HS6ST3: variants seen among roughly 807,000 people sequenced by gnomAD.
The protein encoded by HS6ST3 is heparan sulfate 6-O-sulfotransferase 3, also known as heparan-sulfate 6-O-sulfotransferase 3.
HS6ST3 carries 12 observed loss-of-function variants against 36.7 expected under a neutral mutation model. The ratio of observed to expected loss-of-function variants is 0.33; its 90% CI spans 0.21 to 0.53. The LOEUF is 0.53. Ranked by LOEUF, HS6ST3 falls within the 20% of genes least tolerant of loss-of-function variation. HS6ST3 has a pLI of 0.95. For missense variants in HS6ST3, 584 were observed against 640.9 expected (o/e 0.91, Z 0.96); for synonymous variants, 240 against 257.5 (o/e 0.93, Z 0.65).
At chr13:96,210,119 T>G (rs2054391765) in intron 1 of HS6ST3, among the ~76,000 whole-genome samples, 1 of 152,206 alleles carries the variant, frequency 6.6e-6, no homozygotes, top group East Asian at 1.9e-4. Flanking sequence ...TCCCCCTATG[T>G]GTACTTTTTT....
intron 1 of HS6ST3, among the ~76,000 whole-genome samples, chr13:96,397,056 T>G (rs1259363536): frequency 6.6e-6 from 1 of 151,978 alleles, no homozygotes; most frequent in Non-Finnish European, 1.5e-5. Context: ...ATACAAAAAT[T>G]AGCTGGGCGT....
At chr13:96,502,199 T>G (rs910277505) in intron 1 of HS6ST3, among the ~76,000 whole-genome samples, 1 of 152,190 alleles carries the variant, frequency 6.6e-6, no homozygotes, top group Admixed American at 6.6e-5. Context: ...TTGGGTGATA[T>G]CTGAAATGCC....
At position 96,782,231 on chromosome 13, in the gene HS6ST3, A is replaced by C. The variant is rs1381224119; in HGVS notation, c.708-50259A>C. 5.3e-5 allele frequency among the ~76,000 whole-genome samples: 8 copies of C among 152,358 alleles called. No individual in the cohort carries two copies. The East Asian group carries it at 1.5e-3, about 29-fold the overall frequency. ...TTTATATACGTTAATCTTAAAGCAAAGAAGGCTGCTGAATTATTTAAGAAA... is the reference window on the plus strand; with the variant it reads ...TTTATATACGTTAATCTTAAAGCAACGAAGGCTGCTGAATTATTTAAGAAA... On this transcript the variant is annotated intron_variant, in intron 1 of 1. Coordinates refer to ENST00000376705, the MANE Select transcript of HS6ST3 (RefSeq NM_153456.4).
chr13:96,394,296 A>T (rs1566348027), intron 1 of HS6ST3, among the ~76,000 whole-genome samples: 14 of 147,278 alleles, frequency 9.5e-5, no homozygotes, highest in South Asian at 2.1e-4. Flanking sequence ...AGCTTCCCCC[A>T]TTTTTGTATC....
At chr13:96,631,963 C>T (rs1239036395) in intron 1 of HS6ST3, among the ~76,000 whole-genome samples, 2 of 152,252 alleles carry the variant, frequency 1.3e-5, no homozygotes, top group Admixed American at 6.5e-5. Flanking sequence ...TGGGCTCTTC[C>T]GTTGATTGGA....
At chr13:96,567,496 C>T (rs1311939853) in intron 1 of HS6ST3, among the ~76,000 whole-genome samples, 2 of 152,084 alleles carry the variant, frequency 1.3e-5, no homozygotes, top group Non-Finnish European at 2.9e-5. Flanking sequence ...TTATATGCAT[C>T]ACTCTATTAT....
At chr13:96,104,191 CAAAG>C (rs1189529957) in intron 1 of HS6ST3, among the ~76,000 whole-genome samples, 1 of 152,034 alleles carries the variant, frequency 6.6e-6, no homozygotes, top group Non-Finnish European at 1.5e-5. Context: ...CAGTTAATTA[CAAAG>C]AAAGCACGAA....
At chr13:96,314,824 G>C (rs548052305) in intron 1 of HS6ST3, among the ~76,000 whole-genome samples, 9 of 152,230 alleles carry the variant, frequency 5.9e-5, no homozygotes, top group Admixed American at 6.5e-5. Flanking sequence ...TGGCCAGGGA[G>C]TCAGATGCAA....
intron 1 of HS6ST3, among the ~76,000 whole-genome samples, chr13:96,286,647 T>C (rs1044406563): frequency 1.3e-5 from 2 of 152,176 alleles, no homozygotes; most frequent in African/African-American, 4.8e-5. Context: ...CTTAGTGTAC[T>C]TAAGTCTTTA....
chr13:96,295,992 G>C (rs998988961), intron 1 of HS6ST3, among the ~76,000 whole-genome samples: 1 of 152,064 alleles, frequency 6.6e-6, no homozygotes, highest in African/African-American at 2.4e-5. Flanking sequence ...TGTGCCCATT[G>C]TCTAGTCTAG....
intron 1 of HS6ST3, among the ~76,000 whole-genome samples, chr13:96,655,967 A>G (rs1035046685): frequency 2.6e-5 from 4 of 152,138 alleles, no homozygotes; most frequent in East Asian, 3.9e-4. Context: ...CATTGTTATT[A>G]TGATTACCAC....
intron 1 of HS6ST3, among the ~76,000 whole-genome samples, chr13:96,801,713 G>A (rs1180993091): frequency 6.6e-6 from 1 of 152,054 alleles, no homozygotes; most frequent in Non-Finnish European, 1.5e-5. Flanking sequence ...CTCCACGCCT[G>A]TCCCTCTTGC....
intron 1 of HS6ST3, among the ~76,000 whole-genome samples, chr13:96,349,096 A>G (rs557999524): frequency 1.3e-5 from 2 of 152,214 alleles, no homozygotes; most frequent in Non-Finnish European, 2.9e-5. Context: ...AACCTCAATG[A>G]AAGATTTGAT....
At chr13:96,723,591 T>G (rs909896183) in intron 1 of HS6ST3, among the ~76,000 whole-genome samples, 2 of 152,244 alleles carry the variant, frequency 1.3e-5, no homozygotes, top group Non-Finnish European at 2.9e-5. Context: ...AATCTGCTTT[T>G]CATTAGTACC....
intron 1 of HS6ST3, among the ~76,000 whole-genome samples, chr13:96,430,830 G>T (rs538849005): frequency 1.2e-3 from 182 of 152,292 alleles, no homozygotes; most frequent in Non-Finnish European, 2.1e-3. Flanking sequence ...TTTTGCCAGT[G>T]TCCTCCTATT....
chr13:96,595,649 C>G (rs1027660426), intron 1 of HS6ST3, among the ~76,000 whole-genome samples: 5 of 152,056 alleles, frequency 3.3e-5, no homozygotes, highest in African/African-American at 1.2e-4. Context: ...TCTATTCTCC[C>G]TCTTACATTC....
intron 1 of HS6ST3, among the ~76,000 whole-genome samples, chr13:96,475,055 C>G (rs934743724): frequency 6.6e-6 from 1 of 151,724 alleles, no homozygotes; most frequent in African/African-American, 2.4e-5. Flanking sequence ...CAACTCTATT[C>G]TCTCACCAGT....
At chr13:96,688,645 T>C (rs1320373511) in intron 1 of HS6ST3, among the ~76,000 whole-genome samples, 1 of 152,126 alleles carries the variant, frequency 6.6e-6, no homozygotes, top group African/African-American at 2.4e-5. Flanking sequence ...TGAGTTTTTC[T>C]TGAACTTATG....
chr13:96,317,306 T>C, intron 1 of HS6ST3, among the ~76,000 whole-genome samples: 1 of 144,354 alleles, frequency 6.9e-6, no homozygotes, highest in Middle Eastern at 3.6e-3. Flanking sequence ...TCATTCTTTT[T>C]ATGGCTGTGT....
Sources: allele counts gnomAD v4.1 joint callset (sites outside exome capture counted in the v4.1 genomes callset), GRCh38; gene constraint gnomAD v4.1.1; transcripts MANE v1.5; gene names NCBI Gene and HGNC (gene_info 2026-07-23, HGNC 2026-07-21).